The following GNA14 variants were observed in gnomAD, a reference collection of about 807,000 sequenced individuals.
The protein encoded by GNA14 is G protein subunit alpha 14.
GNA14 carries 50 observed loss-of-function variants against 42.0 expected under a neutral mutation model. That is an observed-to-expected ratio of 1.19 (90% CI 0.95 to 1.51). GNA14 has a LOEUF of 1.51. Among genes scored for constraint, GNA14 ranks in the 40% most tolerant of loss-of-function variants. The pLI is 0.00. For synonymous variants in GNA14, 173 were observed against 163.1 expected (o/e 1.06, Z -0.46); for missense variants, 473 against 446.2 (o/e 1.06, Z -0.54).
rs1564073605 is a variant in GNA14 at position 77,641,102 on chromosome 9, AAGGAAGGAAGGAAG to A, written c.124+6554_124+6567del. Among the ~76,000 whole-genome samples the A allele has an allele frequency of 5.7e-3, 6 of 1,048 alleles. 2 individuals carry two copies. The East Asian group carries it at 0.1, about 17-fold the overall frequency. 0.7% of individuals were successfully genotyped at this position (1,048 alleles called of 152,430 possible). A position where few individuals can be genotyped will look rare whatever the true frequency, so the allele number is the denominator to read the frequency against. ...GAGGGGAGGGGAGGGGAGGGGGGGG[AAGGAAGGAAGGAAG>A]GAAGGAAGGAAGGAAGGAAGGAAGG... On this transcript the variant is annotated intron_variant, in intron 1 of 6. Transcript: ENST00000341700.
At chr9:77,479,660 C>T (rs546231284) in intron 2 of GNA14, among the ~76,000 whole-genome samples, 26 of 151,994 alleles carry the variant, frequency 1.7e-4, no homozygotes, top group Non-Finnish European at 3.5e-4. Flanking sequence ...ATTTTCACGA[C>T]ACTGATTCTT....
At chr9:77,456,679 G>T (rs1836005285) in intron 2 of GNA14, among the ~76,000 whole-genome samples, 1 of 152,130 alleles carries the variant, frequency 6.6e-6, no homozygotes, top group African/African-American at 2.4e-5. Context: ...AACAGAGTAT[G>T]AAAAACTAGA....
Position 77,575,922 on chromosome 9 carries a change from C to G in GNA14, c.125-46669G>C, listed in dbSNP as rs145443598. Among the ~76,000 whole-genome samples the G allele has an allele frequency of 7.3e-3, 1,109 of 152,288 alleles. 16 individuals are homozygous for G. Among genetic ancestry groups the G allele is most frequent in the African/African-American group, 0.025 (1,056 of 41,546 alleles). Reference sequence around the variant, plus strand: ...ACACAGCCATCCCTAAACCTCCTCACCAGACCAGAGGTGGCATGACCAAAA... The same window carrying G: ...ACACAGCCATCCCTAAACCTCCTCAGCAGACCAGAGGTGGCATGACCAAAA... On this transcript the variant is annotated intron_variant, in intron 1 of 6. Coordinates refer to ENST00000341700, the MANE Select transcript of GNA14 (RefSeq NM_004297.4).
chr9:77,620,809 C>T (rs1823908707), intron 1 of GNA14, among the ~76,000 whole-genome samples: 1 of 136,926 alleles, frequency 7.3e-6, no homozygotes, highest in Admixed American at 8.0e-5. Flanking sequence ...GATCACACCA[C>T]TGCACTCCAG....
chr9:77,646,240 A>T (rs1274812566), intron 1 of GNA14, among the ~76,000 whole-genome samples: 2 of 152,210 alleles, frequency 1.3e-5, no homozygotes, highest in Non-Finnish European at 2.9e-5. Context: ...ACGCCCCAGC[A>T]AACAGCTGCC....
chr9:77,645,848 T>C (rs971290318), intron 1 of GNA14, among the ~76,000 whole-genome samples: 2 of 152,116 alleles, frequency 1.3e-5, no homozygotes, highest in African/African-American at 4.8e-5. Flanking sequence ...AATCAAAGCA[T>C]TGCAAAATGA....
chr9:77,495,539 G>A (rs542981825), intron 2 of GNA14, among the ~76,000 whole-genome samples: 9 of 152,162 alleles, frequency 5.9e-5, no homozygotes, highest in Non-Finnish European at 8.8e-5. Flanking sequence ...GTGTTGCAGC[G>A]CTGAGATGTA....
At chr9:77,445,885 CAG>C (rs1230159613) in intron 2 of GNA14, among the ~76,000 whole-genome samples, 1 of 152,222 alleles carries the variant, frequency 6.6e-6, no homozygotes, top group African/African-American at 2.4e-5. Context: ...CTCTAGTTGA[CAG>C]AGTTCTCTTA....
chr9:77,437,715 G>A (rs1158452395), intron 2 of GNA14, among the ~76,000 whole-genome samples: 1 of 152,216 alleles, frequency 6.6e-6, no homozygotes, highest in Non-Finnish European at 1.5e-5. Flanking sequence ...CATCTGCTGT[G>A]GTGATTTTGG....
chr9:77,431,024 T>TGTGTGTGTGTGTGTGTGTGTGTGTGTG (rs1554686110), intron 4 of GNA14, among the ~76,000 whole-genome samples: 1 of 101,466 alleles, frequency 9.9e-6, no homozygotes, highest in Admixed American at 9.1e-5. Context: ...AAGTATACAT[T>TGTGTGTGTGTGTGTGTGTGTGTGTGTG]TGTGTGTGTG....
intron 1 of GNA14, among the ~76,000 whole-genome samples, chr9:77,576,108 G>A (rs1018123713): frequency 1.6e-4 from 25 of 152,110 alleles, no homozygotes; most frequent in African/African-American, 5.1e-4. Context: ...TAAATTAAGA[G>A]ACATAAATAT....
intron 1 of GNA14, among the ~76,000 whole-genome samples, chr9:77,627,860 C>T (rs1351189309): frequency 6.6e-6 from 1 of 152,130 alleles, no homozygotes; most frequent in Non-Finnish European, 1.5e-5. Context: ...CTCACCACCC[C>T]TATTCAACAT....
intron 1 of GNA14, among the ~76,000 whole-genome samples, chr9:77,533,605 A>C (rs1837558447): frequency 6.6e-6 from 1 of 152,198 alleles, no homozygotes. Flanking sequence ...AGAAGACTTA[A>C]CGTCCCTTTC....
intron 2 of GNA14, among the ~76,000 whole-genome samples, chr9:77,471,438 A>G (rs1231097032): frequency 3.9e-5 from 6 of 152,066 alleles, no homozygotes; most frequent in Non-Finnish European, 7.4e-5. Context: ...AGTGTGAGCA[A>G]ATTTGAGAGG....
intron 1 of GNA14, chr9:77,580,499 T>C (rs1295519191): frequency 3.0e-5 from 12 of 397,858 alleles, no homozygotes; most frequent in Middle Eastern, 6.4e-4. Context: ...ATCAGCATGG[T>C]TGTGGGTGAG....
chr9:77,476,247 A>G (rs1334928986), intron 2 of GNA14, among the ~76,000 whole-genome samples: 2 of 152,182 alleles, frequency 1.3e-5, no homozygotes, highest in Admixed American at 6.5e-5. Flanking sequence ...GAAATGACAA[A>G]ATCACACCAA....
intron 2 of GNA14, among the ~76,000 whole-genome samples, chr9:77,509,304 T>C (rs1463924834): frequency 1.3e-5 from 2 of 152,254 alleles, no homozygotes; most frequent in African/African-American, 2.4e-5. Flanking sequence ...GGCCGAATCA[T>C]ATTCCATTGC....
At chr9:77,601,467 G>A (rs1165167630) in intron 1 of GNA14, among the ~76,000 whole-genome samples, 2 of 152,140 alleles carry the variant, frequency 1.3e-5, no homozygotes, top group South Asian at 2.1e-4. Context: ...GACCTTATAT[G>A]TTTTAGGAAT....
At chr9:77,445,570 AAAAG>A (rs1208727181) in intron 2 of GNA14, among the ~76,000 whole-genome samples, 10 of 151,164 alleles carry the variant, frequency 6.6e-5, no homozygotes, top group South Asian at 2.1e-4. Flanking sequence ...AAAAAAAAAA[AAAAG>A]AAAGGAAAAG....
Sources: gnomAD v4.1 joint callset for allele counts (sites outside exome capture counted in the v4.1 genomes callset) on GRCh38, gnomAD v4.1.1 for gene constraint, MANE v1.5 for transcripts, NCBI Gene and HGNC (gene_info 2026-07-23, HGNC 2026-07-21) for gene names.